PCDH15: variants seen among roughly 807,000 people sequenced by gnomAD.
PCDH15 encodes protocadherin related 15, also known as protocadherin-15.
PCDH15 carries 129 observed loss-of-function variants against 178.5 expected under a neutral mutation model. That is an observed-to-expected ratio of 0.72 (90% confidence interval 0.63 to 0.84). The LOEUF (loss-of-function observed/expected upper bound fraction) is 0.84. PCDH15 is among the 40% of genes least tolerant of loss of function. The probability of loss-of-function intolerance (pLI) is 0.00; values close to 1 mark genes in which losing one functional copy is unlikely to be tolerated. For synonymous variants in PCDH15, 800 were observed against 732.0 expected, an observed-to-expected ratio of 1.09 and a Z score of -1.50; for missense variants, 2,230 against 2,099.9, an observed-to-expected ratio of 1.06 and a Z score of -1.21.
intron 18 of PCDH15, among the ~76,000 whole-genome samples, chr10:54,035,985 C>T (rs574504895): frequency 4.6e-5 from 7 of 152,012 alleles, no homozygotes; most frequent in South Asian, 2.1e-4. Context: ...ACAACATTCC[C>T]GTAAGCCAAA....
chr10:53,859,115 G>C (rs1249760796), intron 27 of PCDH15, among the ~76,000 whole-genome samples: 1 of 151,500 alleles, frequency 6.6e-6, no homozygotes, highest in Non-Finnish European at 1.5e-5. Context: ...GGAACAAGTA[G>C]TAACTATAGG....
chr10:54,652,416 C>T (rs1271324900), intron 2 of PCDH15, among the ~76,000 whole-genome samples: 1 of 152,158 alleles, frequency 6.6e-6, no homozygotes, highest in African/African-American at 2.4e-5. Flanking sequence ...TGATAAAAGC[C>T]ATATGCCTAA....
chr10:54,861,631 C>T (rs1478905314), intron 3 of PCDH15, among the ~76,000 whole-genome samples: 1 of 152,276 alleles, frequency 6.6e-6, no homozygotes, highest in African/African-American at 2.4e-5. Context: ...CCTCAAAGAA[C>T]TGAACAACAC....
intron 29 of PCDH15, among the ~76,000 whole-genome samples, chr10:53,832,444 C>A (rs2077068362): frequency 6.6e-6 from 1 of 151,728 alleles, no homozygotes; most frequent in African/African-American, 2.4e-5. Flanking sequence ...TACAACAACA[C>A]CATAAAGGTC....
At chr10:54,167,371 C>T (rs1296258212) in intron 13 of PCDH15, among the ~76,000 whole-genome samples, 1 of 152,142 alleles carries the variant, frequency 6.6e-6, no homozygotes, top group African/African-American at 2.4e-5. Context: ...CTCTTAATTT[C>T]AATTCCTTTC....
chr10:55,107,182 T>C (rs1837370999), intron 2 of PCDH15, among the ~76,000 whole-genome samples: 1 of 152,206 alleles, frequency 6.6e-6, no homozygotes, highest in Admixed American at 6.5e-5. Context: ...ATACTTTCTA[T>C]TGGTATACAC....
At chr10:54,191,878 G>A (rs975825463) in intron 11 of PCDH15, among the ~76,000 whole-genome samples, 1 of 150,798 alleles carries the variant, frequency 6.6e-6, no homozygotes, top group Admixed American at 6.6e-5. Flanking sequence ...CCTGGATTGT[G>A]ACGCTGCACT....
At chr10:54,161,199 T>C (rs1220029829) in intron 13 of PCDH15, among the ~76,000 whole-genome samples, 1 of 152,166 alleles carries the variant, frequency 6.6e-6, no homozygotes, top group East Asian at 1.9e-4. Flanking sequence ...TGGATTCTAT[T>C]AAGTAACTCA....
intron 3 of PCDH15, among the ~76,000 whole-genome samples, chr10:54,465,898 G>A (rs2077485740): frequency 6.6e-6 from 1 of 151,892 alleles, no homozygotes; most frequent in South Asian, 2.1e-4. Context: ...ATCCTCCCCA[G>A]CATTTATATA....
At chr10:53,809,159 G>A in intron 37 of PCDH15, 1 of 1,613,862 alleles carries the variant, frequency 6.2e-7, no homozygotes, top group Non-Finnish European at 8.5e-7. Context: ...TCCTCAGAGG[G>A]TGTCTCTGAC....
chr10:54,740,696 G>T (rs1944679429), intron 1 of PCDH15, among the ~76,000 whole-genome samples: 1 of 151,938 alleles, frequency 6.6e-6, no homozygotes, highest in Non-Finnish European at 1.5e-5. Flanking sequence ...ACATTAAAAA[G>T]AATGCTACTC....
intron 1 of PCDH15, among the ~76,000 whole-genome samples, chr10:55,260,270 A>G (rs896472727): frequency 6.6e-6 from 1 of 152,128 alleles, no homozygotes; most frequent in Non-Finnish European, 1.5e-5. Context: ...TTCATATTCT[A>G]ATTTGATTAT....
At chr10:54,144,805 G>T (rs2043751886) in intron 14 of PCDH15, among the ~76,000 whole-genome samples, 1 of 152,114 alleles carries the variant, frequency 6.6e-6, no homozygotes, top group Admixed American at 6.6e-5. Flanking sequence ...TTTTAAAAAT[G>T]GAAAAGATTT....
At chr10:54,539,150 G>A (rs1182781789) in intron 2 of PCDH15, among the ~76,000 whole-genome samples, 2 of 152,038 alleles carry the variant, frequency 1.3e-5, no homozygotes, top group East Asian at 1.9e-4. Context: ...TTGGTTAGAC[G>A]TACTATCTAA....
In PCDH15 at chr10:55,219,865, C is replaced by T. The variant is rs146012838; in HGVS notation, c.-155-53214G>A. 6.2e-4 allele frequency among the ~76,000 whole-genome samples: 85 copies of T among 136,676 alleles called. 2 individuals are homozygous for T. Among genetic ancestry groups the T allele is most frequent in the African/African-American group, 2.3e-3 (83 of 36,106 alleles). The allele number at this position is 136,676 out of a possible 152,430, so 89.7% of individuals were successfully genotyped here. A position where few individuals can be genotyped will look rare whatever the true frequency, so the allele number is the denominator to read the frequency against. ...GTGTTTCACAGAATGTTAGGCCTAG[C>T]GATCCTGATATCAGTCACACACACA... On this transcript the variant is annotated intron_variant, in intron 1 of 5. Transcript: ENST00000458638.
intron 1 of PCDH15, among the ~76,000 whole-genome samples, chr10:55,291,259 C>T (rs540566257): frequency 3.9e-5 from 6 of 152,226 alleles, no homozygotes; most frequent in Middle Eastern, 3.4e-3. Context: ...CACAAGACAA[C>T]ACATACTTAA....
At chr10:54,004,836 G>T (rs2092324591) in intron 20 of PCDH15, among the ~76,000 whole-genome samples, 1 of 143,818 alleles carries the variant, frequency 7.0e-6, no homozygotes, top group African/African-American at 2.6e-5. Context: ...AAAAGACCTA[G>T]ATAGCCAAAG....
intron 2 of PCDH15, among the ~76,000 whole-genome samples, chr10:54,620,449 G>A (rs2093319827): frequency 6.6e-6 from 1 of 151,964 alleles, no homozygotes; most frequent in South Asian, 2.1e-4. Context: ...CAGGGGAAAT[G>A]ATCATGTAAG....
rs2131846709 is a variant in PCDH15 at position 54,924,374 on chromosome 10, T to C, written c.-79-26874A>G. 1.4e-5 allele frequency among the ~76,000 whole-genome samples: 2 copies of C among 138,178 alleles called. 1 individual carries two copies. The highest frequency in any genetic ancestry group is 3.4e-5 in the Non-Finnish European group (2 of 59,286). 90.7% of individuals were successfully genotyped at this position (138,178 alleles called of 152,430 possible). On this transcript the variant is annotated intron_variant, in intron 2 of 5. Transcript: ENST00000458638. ...GGGCATTTAGGTAGATTCCACATCTTTGCTATTGTGCATACTACAGAACTA... is the reference window on the plus strand; with the variant it reads ...GGGCATTTAGGTAGATTCCACATCTCTGCTATTGTGCATACTACAGAACTA...
Sources: allele counts gnomAD v4.1 joint callset (sites outside exome capture counted in the v4.1 genomes callset), GRCh38; gene constraint gnomAD v4.1.1; transcripts MANE v1.5; gene names NCBI Gene and HGNC (gene_info 2026-07-23, HGNC 2026-07-21).